The following COL24A1 variants were observed in gnomAD, a reference collection of about 807,000 sequenced individuals.
The protein encoded by COL24A1 is collagen type XXIV alpha 1 chain.
A neutral mutation model predicts 253.9 loss-of-function variants in COL24A1; 224 were observed. That is an observed-to-expected ratio of 0.88 (90% CI 0.79 to 0.99). The LOEUF is 0.99. Ranked by LOEUF, COL24A1 falls within the 50% of genes least tolerant of loss-of-function variation. COL24A1 has a pLI of 0.00. For synonymous variants in COL24A1, 685 were observed against 673.7 expected, an observed-to-expected ratio of 1.02 and a Z score of -0.26; for missense variants, 2,131 against 2,068.5, an observed-to-expected ratio of 1.03 and a Z score of -0.59.
chr1:86,026,960 C>T lies in COL24A1; in HGVS notation c.2050-3953G>A, dbSNP rs770097901. Among the ~76,000 whole-genome samples the T allele has an allele frequency of 4.6e-5, 7 of 152,266 alleles. No individual in the cohort carries two copies. In the East Asian group the frequency reaches 1.4e-3, roughly 29 times the overall value. ...TACAGTAAGGGTGACTCTTGCTATG[C>T]TTTAGCTAACAGACTGGTGGCATTT... On this transcript the variant is annotated intron_variant, in intron 14 of 59. Transcript: ENST00000370571.
intron 23 of COL24A1, among the ~76,000 whole-genome samples, chr1:85,961,595 C>A (rs972842367): frequency 6.6e-6 from 1 of 152,086 alleles, no homozygotes; most frequent in Non-Finnish European, 1.5e-5. Flanking sequence ...CAAATAGTAA[C>A]GTATCAGTCT....
At chr1:86,044,989 ATTTTTG>A (rs1232825281) in intron 12 of COL24A1, among the ~76,000 whole-genome samples, 3 of 151,768 alleles carry the variant, frequency 2.0e-5, no homozygotes, top group Admixed American at 2.0e-4. Flanking sequence ...ATTTATTTTT[ATTTTTG>A]TTTTTATTTT....
chr1:86,100,977 TA>T (rs1330274028), intron 5 of COL24A1, among the ~76,000 whole-genome samples: 1 of 151,956 alleles, frequency 6.6e-6, no homozygotes, highest in Non-Finnish European at 1.5e-5. Flanking sequence ...ACCATTCTAG[TA>T]AAATATTGAA....
intron 47 of COL24A1, among the ~76,000 whole-genome samples, chr1:85,787,267 A>C (rs1194861432): frequency 6.6e-6 from 1 of 151,770 alleles, no homozygotes; most frequent in Non-Finnish European, 1.5e-5. Context: ...TATGTAGGTA[A>C]ATGTGTGCCA....
At chr1:85,843,254 T>C (rs1676818780) in intron 39 of COL24A1, among the ~76,000 whole-genome samples, 1 of 152,152 alleles carries the variant, frequency 6.6e-6, no homozygotes, top group Non-Finnish European at 1.5e-5. Flanking sequence ...AATTCCCAGC[T>C]CTAAAAATGT....
Position 85,730,562 on chromosome 1 carries a change from G to C in COL24A1, c.5129C>G (p.Ser1710Cys). The stretch of plus-strand genomic sequence containing the variant: ...TCAGAGACTTTACAGAAAGCATACA[G>C]AACTGCTGTCAATGTAATACTTTCG... ...TERKYYIDSS[S>C]VCFL Residue 1710 changes from serine to cysteine, a missense_variant, in exon 60 of 60, where the codon TCT becomes TGT. Ser to Cys is a moderately radical substitution (Grantham distance 112). Transcript: ENST00000370571. 1.2e-6 allele frequency: 2 copies of C among 1,613,860 alleles called. No individual in the cohort carries two copies. Among genetic ancestry groups the C allele is most frequent in the African/African-American group, 1.3e-5 (1 of 75,048 alleles).
intron 19 of COL24A1, among the ~76,000 whole-genome samples, chr1:86,009,503 C>T (rs534190019): frequency 7.9e-4 from 120 of 152,208 alleles, no homozygotes; most frequent in African/African-American, 2.4e-3. Context: ...CAGTATGTTA[C>T]TGTACTAAAT....
At chr1:86,060,473 T>C (rs1701003017) in intron 8 of COL24A1, among the ~76,000 whole-genome samples, 1 of 152,096 alleles carries the variant, frequency 6.6e-6, no homozygotes, top group African/African-American at 2.4e-5. Flanking sequence ...AGTACAGATA[T>C]GCTAAAACTT....
At chr1:85,991,237 G>T (rs1571504339) in intron 19 of COL24A1, among the ~76,000 whole-genome samples, 1 of 152,192 alleles carries the variant, frequency 6.6e-6, no homozygotes, top group Admixed American at 6.5e-5. Flanking sequence ...ACTATAATCA[G>T]CAAAATCCAG....
chr1:85,872,063 C>CAGGG (rs1357485773), intron 35 of COL24A1, among the ~76,000 whole-genome samples: 2 of 150,560 alleles, frequency 1.3e-5, no homozygotes, highest in Non-Finnish European at 3.0e-5. Flanking sequence ...AACAGACAAA[C>CAGGG]AGCCAAATCA....
intron 24 of COL24A1, among the ~76,000 whole-genome samples, chr1:85,924,755 C>T (rs188537000): frequency 6.6e-6 from 1 of 152,176 alleles, no homozygotes; most frequent in Non-Finnish European, 1.5e-5. Flanking sequence ...CCTTTGAAAA[C>T]TGGCACAAGA....
intron 8 of COL24A1, among the ~76,000 whole-genome samples, chr1:86,062,710 T>C (rs879855559): frequency 1.3e-5 from 2 of 152,126 alleles, no homozygotes; most frequent in Non-Finnish European, 2.9e-5. Context: ...CTCCCATAAA[T>C]GCTCAAATGC....
intron 57 of COL24A1, among the ~76,000 whole-genome samples, chr1:85,742,809 G>T (rs1557957162): frequency 6.6e-6 from 1 of 152,100 alleles, no homozygotes; most frequent in Non-Finnish European, 1.5e-5. Flanking sequence ...TTATTCCTGA[G>T]GTTGTAATTT....
chr1:86,099,092 A>C (rs758984585), intron 5 of COL24A1, among the ~76,000 whole-genome samples: 3 of 152,202 alleles, frequency 2.0e-5, no homozygotes, highest in Non-Finnish European at 2.9e-5. Context: ...TAAAAGGTTA[A>C]ATTCCACCAG....
In COL24A1 at chr1:86,126,089, T is replaced by C. The variant is rs779957335; in HGVS notation, c.247A>G (p.Ile83Val). Residue 83 changes from isoleucine to valine, a missense_variant, in exon 3 of 60, where the codon ATT becomes GTT. Coordinates refer to ENST00000370571, the MANE Select transcript of COL24A1 (RefSeq NM_152890.7). ...QGVHLTESGV[I>V]FKNDAYIETP... Reference sequence around the variant, plus strand: ...TCGATATAAGCATCATTTTTAAAAATGACTCCTGATTCTGTTAAATGGACC... The same window carrying C: ...TCGATATAAGCATCATTTTTAAAAACGACTCCTGATTCTGTTAAATGGACC... 9 of 1,613,530 alleles carry C rather than the reference T, an allele frequency of 5.6e-6. No individual in the cohort carries two copies. Among genetic ancestry groups the C allele is most frequent in the South Asian group, 1.1e-5 (1 of 91,080 alleles).
At chr1:85,980,576 T>A (rs527974204) in intron 20 of COL24A1, among the ~76,000 whole-genome samples, 1 of 152,162 alleles carries the variant, frequency 6.6e-6, no homozygotes, top group Admixed American at 6.6e-5. Context: ...CAACCCCTTT[T>A]ACAATAGCTA....
rs1671030517 is a variant in COL24A1, at chr1:85,798,214, A to AAG, written c.3952-11755_3952-11754dup. Among the ~76,000 whole-genome samples the AAG allele has an allele frequency of 2.0e-5, 3 of 151,318 alleles. No individual in the cohort carries two copies. In the South Asian group the frequency reaches 6.3e-4, roughly 32 times the overall value. On this transcript the variant is annotated intron_variant, in intron 47 of 59. Transcript: ENST00000370571. ...CCTGTCTCTATTAAAAAAAAAAAAAAAGTATGAACTTTATCTGATCAGGAG... is the reference window on the plus strand; with the variant it reads ...CCTGTCTCTATTAAAAAAAAAAAAAAAGAGTATGAACTTTATCTGATCAGGAG...
At chr1:85,783,424 A>G in intron 51 of COL24A1, 72 bp downstream of exon 51, 2 of 1,249,644 alleles carry the variant, frequency 1.6e-6, no homozygotes, top group Non-Finnish European at 2.3e-6. Context: ...AGTACATTAC[A>G]TTTAGAGCTC....
chr1:85,991,933 T>A (rs1288637397), intron 19 of COL24A1, among the ~76,000 whole-genome samples: 1 of 151,928 alleles, frequency 6.6e-6, no homozygotes, highest in Non-Finnish European at 1.5e-5. Flanking sequence ...TATTATACTT[T>A]AAGTTTTAGA....
Sources: gnomAD v4.1 joint callset for allele counts (sites outside exome capture counted in the v4.1 genomes callset) on GRCh38, gnomAD v4.1.1 for gene constraint, MANE v1.5 for transcripts, NCBI Gene and HGNC (gene_info 2026-07-23, HGNC 2026-07-21) for gene names.